ACSBG1: variants seen among roughly 807,000 people sequenced by gnomAD.
ACSBG1 encodes the protein acyl-CoA synthetase bubblegum family member 1.
In ACSBG1, 39 loss-of-function variants were observed where a neutral mutation model predicts 80.2. The observed-to-expected ratio is 0.49, with a 90% CI of 0.38 to 0.64. ACSBG1 has a LOEUF of 0.64. Among genes scored for constraint, ACSBG1 ranks in the 30% least tolerant of loss-of-function variants. ACSBG1 has a pLI of 0.00. For synonymous variants in ACSBG1, 392 were observed against 379.5 expected (o/e 1.03, Z -0.38); for missense variants, 828 against 966.4 (o/e 0.86, Z 1.90).
intron 5 of ACSBG1, among the ~76,000 whole-genome samples, chr15:78,192,934 A>T (rs1245969601): frequency 6.6e-6 from 1 of 152,160 alleles, no homozygotes; most frequent in Non-Finnish European, 1.5e-5. Context: ...AGTATGGTGC[A>T]TGCAGGGACA....
Position 78,173,751 on chromosome 15 carries a change from G to A in ACSBG1, c.1931C>T (p.Thr644Ile), listed in dbSNP as rs1311267332. 2.5e-6 allele frequency: 4 copies of A among 1,614,062 alleles called. No individual in the cohort carries two copies. In the African/African-American group the frequency reaches 5.3e-5, roughly 22 times the overall value. The change falls in exon 13 of 14, where the codon ACC becomes ATC. Residue 644 changes from threonine (T) to isoleucine (I), a missense_variant. This residue lies in a region of ACSBG1 where 201 missense variants were observed against 227.0 expected (regional missense o/e 0.89). Coordinates refer to ENST00000258873, the MANE Select transcript of ACSBG1 (RefSeq NM_015162.5). The part of the protein sequence containing the change: ...EFCQRVGSRA[T>I]TVSEIIEKKD... ...CTTCTCTATGATCTCGGACACTGTG[G>A]TGGCTCTGCTGCCCACCCTCTGGCA...
Position 78,227,211 on chromosome 15 carries a change from C to T in ACSBG1, c.131+7160G>A, listed in dbSNP as rs1251475669. Among the ~76,000 whole-genome samples the T allele has an allele frequency of 9.7e-5, 11 of 113,804 alleles. No individual in the cohort carries two copies. The East Asian group carries it at 1.1e-3, about 12-fold the overall frequency. The allele number at this position is 113,804 out of a possible 152,430, so 74.7% of individuals were successfully genotyped here. On this transcript the variant is annotated intron_variant, in intron 1 of 13. Coordinates refer to ENST00000258873, the MANE Select transcript of ACSBG1 (RefSeq NM_015162.5). ...TCCAGCCTGGGTGACAGAGCGAGAC[C>T]CTGTCTCAAAAAAAAAAAAAAAAAA...
intron 1 of ACSBG1, among the ~76,000 whole-genome samples, chr15:78,220,660 T>C (rs1294390982): frequency 6.6e-6 from 1 of 152,086 alleles, no homozygotes; most frequent in Non-Finnish European, 1.5e-5. Context: ...GAGCAAAGGA[T>C]TTGAATAGAC....
At chr15:78,197,240 G>A (rs1595890827) in intron 2 of ACSBG1, among the ~76,000 whole-genome samples, 2 of 152,114 alleles carry the variant, frequency 1.3e-5, no homozygotes, top group East Asian at 3.8e-4. Flanking sequence ...CCGGGCTGGA[G>A]GTGGGAGTGG....
chr15:78,234,514 T>A lies in ACSBG1; in HGVS notation c.-13A>T, dbSNP rs1322478091. The A allele has an allele frequency of 1.9e-6, 3 of 1,590,714 alleles. No individual in the cohort carries two copies. The highest frequency in any genetic ancestry group is 3.4e-5 in the Admixed American group (2 of 59,538). On this transcript the variant is annotated 5_prime_UTR_variant, in exon 1 of 14. Coordinates refer to ENST00000258873, the MANE Select transcript of ACSBG1 (RefSeq NM_015162.5). ...AATTGCGTGGCATCTGCCTCGGGCT[T>A]CCACTGAAGACAGCTCAGTCACCCA...
At chr15:78,211,860 G>A (rs943144087) in intron 1 of ACSBG1, among the ~76,000 whole-genome samples, 3 of 152,092 alleles carry the variant, frequency 2.0e-5, no homozygotes, top group South Asian at 2.1e-4. Context: ...CACCCCTGTG[G>A]CCCTTGGATA....
At chr15:78,231,559 TAC>T (rs1240273746) in intron 1 of ACSBG1, among the ~76,000 whole-genome samples, 1 of 152,182 alleles carries the variant, frequency 6.6e-6, no homozygotes, top group Non-Finnish European at 1.5e-5. Flanking sequence ...GTGCCAGGAT[TAC>T]AGGTGTGAGC....
At chr15:78,196,089 C>A (rs886502014) in intron 2 of ACSBG1, among the ~76,000 whole-genome samples, 2 of 152,120 alleles carry the variant, frequency 1.3e-5, no homozygotes, top group Non-Finnish European at 2.9e-5. Flanking sequence ...GAAATGCAGG[C>A]GGGACAGGGG....
Position 78,169,054 on chromosome 15 carries a change from T to C in ACSBG1, c.*2390A>G. 6 of 1,169,090 alleles carry C rather than the reference T, an allele frequency of 5.1e-6. No homozygotes were observed. The highest frequency in any genetic ancestry group is 7.6e-6 in the Non-Finnish European group (6 of 785,516). The allele number at this position is 1,169,090 out of a possible 1,614,324, so 72.4% of individuals were successfully genotyped here. ...TCAGTCACTCTAAATGGACACCACATGAACCTCTGTTTAGAATACCTACGT... is the reference window on the plus strand; with the variant it reads ...TCAGTCACTCTAAATGGACACCACACGAACCTCTGTTTAGAATACCTACGT... On this transcript the variant is annotated 3_prime_UTR_variant, in exon 14 of 14. Transcript: ENST00000258873.
At chr15:78,217,460 G>C (rs1489942229) in intron 1 of ACSBG1, among the ~76,000 whole-genome samples, 1 of 152,138 alleles carries the variant, frequency 6.6e-6, no homozygotes, top group African/African-American at 2.4e-5. Context: ...GGGTGACTGG[G>C]GTGGAGCAGG....
At chr15:78,212,607 G>C (rs1054385899) in intron 1 of ACSBG1, 3 of 455,762 alleles carry the variant, frequency 6.6e-6, no homozygotes, top group Non-Finnish European at 8.8e-6. Context: ...ATGGTGCCTG[G>C]GGGGTGGCTG....
chr15:78,189,346 A>C lies in ACSBG1; in HGVS notation c.663+4160T>G, dbSNP rs1248409190. Among the ~76,000 whole-genome samples the C allele has an allele frequency of 4.9e-4, 74 of 151,858 alleles. No individual in the cohort carries two copies. The East Asian group carries it at 0.013, about 26-fold the overall frequency. ...GTATATACCCAAAGGACTATAAATC[A>C]TACTGCTATAAAGACACATGCACAC... On this transcript the variant is annotated intron_variant, in intron 5 of 13. Coordinates refer to ENST00000258873, the MANE Select transcript of ACSBG1 (RefSeq NM_015162.5).
rs1466228111 is a variant in ACSBG1 at position 78,171,217 on chromosome 15, A to C, written c.*227T>G. 4 of 397,156 alleles carry C rather than the reference A, an allele frequency of 1.0e-5. No individual in the cohort carries two copies. In the South Asian group the frequency reaches 1.5e-4, roughly 15 times the overall value. The allele number at this position is 397,156 out of a possible 1,614,324, so 24.6% of individuals were successfully genotyped here. A position where few individuals can be genotyped will look rare whatever the true frequency, so the allele number is the denominator to read the frequency against. On this transcript the variant is annotated 3_prime_UTR_variant, in exon 14 of 14. Coordinates refer to ENST00000258873, the MANE Select transcript of ACSBG1 (RefSeq NM_015162.5). ...GATCTCATTTGTCACCTGAACAAAA[A>C]GCAATACTTAAACTGAATTAAAACT...
intron 5 of ACSBG1, among the ~76,000 whole-genome samples, chr15:78,183,172 A>T (rs2074966403): frequency 6.6e-6 from 1 of 152,228 alleles, no homozygotes; most frequent in Admixed American, 6.5e-5. Context: ...GGTTTCTAGG[A>T]TATATTATTA....
At chr15:78,186,319 C>T (rs868690430) in intron 5 of ACSBG1, among the ~76,000 whole-genome samples, 22 of 152,242 alleles carry the variant, frequency 1.4e-4, no homozygotes, top group Middle Eastern at 3.4e-3. Context: ...CTGCACCAAG[C>T]GGACCTAATA....
At chr15:78,202,122 T>C (rs2075174217) in intron 2 of ACSBG1, among the ~76,000 whole-genome samples, 1 of 152,110 alleles carries the variant, frequency 6.6e-6, no homozygotes, top group African/African-American at 2.4e-5. Context: ...GCAATGCTGG[T>C]TGTCACCTGA....
In ACSBG1 at chr15:78,173,502, C is replaced by T. The variant is rs892941800; in HGVS notation, c.2089+91G>A. 4.6e-6 allele frequency: 7 copies of T among 1,532,136 alleles called. No individual in the cohort carries two copies. In the African/African-American group the frequency reaches 6.9e-5, roughly 15 times the overall value. 94.9% of individuals were successfully genotyped at this position (1,532,136 alleles called of 1,614,324 possible). A position where few individuals can be genotyped will look rare whatever the true frequency, so the allele number is the denominator to read the frequency against. On this transcript the variant is annotated intron_variant, in intron 13 of 13. Coordinates refer to ENST00000258873, the MANE Select transcript of ACSBG1 (RefSeq NM_015162.5). ...ATTCCTGCCATGACCTTCTCTTTGC[C>T]GTGGCTGCTTCCTAACAGGCACCTC...
intron 1 of ACSBG1, among the ~76,000 whole-genome samples, chr15:78,228,924 C>G (rs1455051516): frequency 6.6e-6 from 1 of 152,206 alleles, no homozygotes; most frequent in Admixed American, 6.5e-5. Flanking sequence ...CACCAACCCT[C>G]AAGACCAAGT....
chr15:78,231,736 A>C (rs534555833), intron 1 of ACSBG1, among the ~76,000 whole-genome samples: 1 of 152,082 alleles, frequency 6.6e-6, no homozygotes, highest in Non-Finnish European at 1.5e-5. Context: ...CTACAGGTGC[A>C]CACTATCATG....
Sources: gnomAD v4.1 joint callset for allele counts (sites outside exome capture counted in the v4.1 genomes callset) on GRCh38, gnomAD v4.1.1 for gene constraint, gnomAD v4.1.1 regional missense constraint, MANE v1.5 for transcripts, NCBI Gene and HGNC (gene_info 2026-07-23, HGNC 2026-07-21) for gene names.